PIK3CD: variants seen among roughly 807,000 people sequenced by gnomAD.
PIK3CD encodes the protein phosphatidylinositol-4,5-bisphosphate 3-kinase catalytic subunit delta.
A neutral mutation model predicts 122.9 loss-of-function variants in PIK3CD; 20 were observed. The observed-to-expected ratio is 0.16, with a 90% CI of 0.11 to 0.24. PIK3CD has a LOEUF of 0.24. Among genes scored for constraint, PIK3CD ranks in the 10% least tolerant of loss-of-function variants. PIK3CD has a pLI of 1.00. For synonymous variants in PIK3CD, 596 were observed against 593.4 expected (o/e 1.00, Z -0.06); for missense variants, 787 against 1,406.3 (o/e 0.56, Z 7.04).
At chr1:9,686,542 G>A (rs1010665585) in intron 1 of PIK3CD, among the ~76,000 whole-genome samples, 3 of 151,416 alleles carry the variant, frequency 2.0e-5, no homozygotes, top group South Asian at 2.1e-4. Context: ...AAATAGAGAC[G>A]GGGGTCTCAC....
In PIK3CD at chr1:9,718,655, C is replaced by T. The variant is rs1367684141; in HGVS notation, c.1021-39C>T. On this transcript the variant is annotated intron_variant, in intron 8 of 23. Coordinates refer to ENST00000377346, the MANE Select transcript of PIK3CD (RefSeq NM_005026.5). This position sits in a 1 kb window ranked among gnomAD's most constrained non-coding sequence, Gnocchi z 7.2. ...TAAGGGGGAGGGGAGAGGGGCTGGGCCTCTGCCTCCTCACCCATCATCCCG... is the reference window on the plus strand; with the variant it reads ...TAAGGGGGAGGGGAGAGGGGCTGGGTCTCTGCCTCCTCACCCATCATCCCG... The T allele has an allele frequency of 6.4e-7, 1 of 1,562,150 alleles. No individual in the cohort carries two copies. The highest frequency in any genetic ancestry group is 2.2e-5 in the East Asian group (1 of 44,668).
At position 9,696,319 on chromosome 1, in the gene PIK3CD, G is replaced by T. The variant is rs564997648; in HGVS notation, c.-33+4748G>T. ...AGAAGTTAAAATTTGACAGTGGGGTGGCTCGTGCCTGTAATCCCAACACTT... is the reference window on the plus strand; with the variant it reads ...AGAAGTTAAAATTTGACAGTGGGGTTGCTCGTGCCTGTAATCCCAACACTT... On this transcript the variant is annotated intron_variant, in intron 2 of 23. Transcript: ENST00000377346. Among the ~76,000 whole-genome samples the T allele has an allele frequency of 3.9e-5, 6 of 152,198 alleles. No homozygotes were observed. In the East Asian group the frequency reaches 7.7e-4, roughly 20 times the overall value.
In PIK3CD at chr1:9,720,636, A is replaced by G; in HGVS notation, c.1496A>G (p.Glu499Gly). ...EKILELGRHS[E>G]CVHVTEEEQL... ...ATCTTGGAGCTGGGGCGACACAGCG[A>G]GTGTGTGCATGTCACCGAGGAGGAG... is the stretch of plus-strand genomic sequence containing the variant. Residue 499 changes from glutamate (E) to glycine (G), a missense_variant, in exon 12 of 24, where the codon GAG (glutamate) becomes GGG (glycine). Transcript: ENST00000377346. The surrounding 1 kb of genome is among the most constrained non-coding windows in gnomAD (Gnocchi z 9.0). 4 of 1,195,632 alleles carry G rather than the reference A, an allele frequency of 3.3e-6. No individual in the cohort carries two copies. The highest frequency in any genetic ancestry group is 4.3e-6 in the Non-Finnish European group (4 of 923,054). 74.1% of individuals were successfully genotyped at this position (1,195,632 alleles called of 1,614,324 possible).
Position 9,722,236 on chromosome 1 carries a change from C to A in PIK3CD, c.2235-8C>A. 1.2e-6 allele frequency: 2 copies of A among 1,612,284 alleles called. No homozygotes were observed. Among genetic ancestry groups the A allele is most frequent in the South Asian group, 1.1e-5 (1 of 90,908 alleles). On this transcript the variant is annotated splice_polypyrimidine_tract_variant and splice_region_variant and intron_variant, in intron 17 of 23. Coordinates refer to ENST00000377346, the MANE Select transcript of PIK3CD (RefSeq NM_005026.5). This position sits in a 1 kb window ranked among gnomAD's most constrained non-coding sequence, Gnocchi z 7.6. ...CCCCTGCTGACTGCCCGCTCTCTGG[C>A]CTGGCAGCGTGGAGCAGTGCACCTT... is the stretch of plus-strand genomic sequence containing the variant.
intron 2 of PIK3CD, among the ~76,000 whole-genome samples, chr1:9,698,693 A>G (rs946625642): frequency 6.6e-6 from 1 of 152,158 alleles, no homozygotes; most frequent in Non-Finnish European, 1.5e-5. Context: ...ATAATTCCCA[A>G]ATTCCCAAAG....
chr1:9,724,477 G>A lies in PIK3CD; in HGVS notation c.2864+56G>A. 3 of 1,598,096 alleles carry A rather than the reference G, an allele frequency of 1.9e-6. No individual in the cohort carries two copies. In the South Asian group the frequency reaches 3.3e-5, roughly 18 times the overall value. On this transcript the variant is annotated intron_variant, in intron 22 of 23. Coordinates refer to ENST00000377346, the MANE Select transcript of PIK3CD (RefSeq NM_005026.5). The surrounding 1 kb of genome is among the most constrained non-coding windows in gnomAD (Gnocchi z 7.3). ...CTCGGTGTGGGGCCCCAGGGAACAG[G>A]GCAGAGGTTCCCAGGCAGGGTGCAG...
rs927145814 is a variant in PIK3CD at position 9,704,735 on chromosome 1, A to G, written c.-32-5689A>G. Among the ~76,000 whole-genome samples the G allele has an allele frequency of 1.3e-5, 2 of 152,216 alleles. No individual in the cohort carries two copies. The highest frequency in any genetic ancestry group is 2.9e-5 in the Non-Finnish European group (2 of 68,026). ...ACCATGTTTCGCAGGCTGGTCACCA[A>G]TGCCTGAGCTCAAAGTGATCCACTG... On this transcript the variant is annotated intron_variant, in intron 2 of 23. Transcript: ENST00000377346. The surrounding 1 kb of genome is among the most constrained non-coding windows in gnomAD (Gnocchi z 5.0).
At chr1:9,673,304 G>A (rs1359260898) in intron 1 of PIK3CD, among the ~76,000 whole-genome samples, 4 of 151,828 alleles carry the variant, frequency 2.6e-5, no homozygotes, top group Admixed American at 1.3e-4. Flanking sequence ...CTGTCGCCCC[G>A]GCTGGCGTGT....
chr1:9,639,138 C>G, the PIK3CD span, among the ~76,000 whole-genome samples: 2 of 152,168 alleles, frequency 1.3e-5, no homozygotes, highest in Non-Finnish European at 2.9e-5. Context: ...ATGGTTTCTT[C>G]TAATCCTAAA....
At chr1:9,702,573 T>C (rs1402092446) in intron 2 of PIK3CD, among the ~76,000 whole-genome samples, 1 of 128,038 alleles carries the variant, frequency 7.8e-6, no homozygotes, top group Non-Finnish European at 1.6e-5. Flanking sequence ...CAGGCTGGAG[T>C]GCAGTGGCGC....
intron 1 of PIK3CD, among the ~76,000 whole-genome samples, chr1:9,679,970 G>A (rs1164085637): frequency 2.0e-5 from 3 of 151,764 alleles, no homozygotes; most frequent in South Asian, 2.1e-4. Flanking sequence ...GATTACAGGC[G>A]CCCACCACCA....
In PIK3CD at chr1:9,724,976, C is replaced by G. The variant is rs772717064; in HGVS notation, c.2997+40C>G. 1.2e-6 allele frequency: 2 copies of G among 1,611,406 alleles called. No individual in the cohort carries two copies. The highest frequency in any genetic ancestry group is 2.2e-5 in the South Asian group (2 of 90,998). On this transcript the variant is annotated intron_variant, in intron 23 of 23. Coordinates refer to ENST00000377346, the MANE Select transcript of PIK3CD (RefSeq NM_005026.5). This position sits in a 1 kb window ranked among gnomAD's most constrained non-coding sequence, Gnocchi z 7.3. ...GGAGACTGCTGTCGCCAGTGGACTT[C>G]CAAGGCCTGCCCCCGAGCAATGTGA...
At chr1:9,645,933 T>A in the PIK3CD span, among the ~76,000 whole-genome samples, 4 of 151,498 alleles carry the variant, frequency 2.6e-5, no homozygotes, top group African/African-American at 9.7e-5. Flanking sequence ...TTTATTTTTT[T>A]ATTTTTATTT....
chr1:9,711,124 C>T (rs982476518), intron 3 of PIK3CD, among the ~76,000 whole-genome samples: 9 of 152,026 alleles, frequency 5.9e-5, no homozygotes, highest in Admixed American at 1.3e-4. Flanking sequence ...GAGACAATCT[C>T]GCTCTGTCAC....
At chr1:9,629,980 C>T in the PIK3CD span, among the ~76,000 whole-genome samples, 2 of 152,246 alleles carry the variant, frequency 1.3e-5, no homozygotes, top group Non-Finnish European at 2.9e-5. Context: ...GTCAGAGGCG[C>T]CCAGGACACC....
At chr1:9,654,000 G>A in intron 1 of PIK3CD, 1 of 1,316,808 alleles carries the variant, frequency 7.6e-7, no homozygotes, top group Non-Finnish European at 1.0e-6. Flanking sequence ...GAAGCCAGGA[G>A]TTCAAGGTTG....
intron 1 of PIK3CD, among the ~76,000 whole-genome samples, chr1:9,677,339 T>C (rs1480794052): frequency 6.6e-6 from 1 of 152,118 alleles, no homozygotes; most frequent in African/African-American, 2.4e-5. Context: ...AGATATTATA[T>C]GGCCATCTTA....
chr1:9,715,400 G>C lies in PIK3CD; in HGVS notation c.142-141G>C. 1.4e-6 allele frequency: 1 copy of C among 699,644 alleles called. No individual in the cohort carries two copies. The highest frequency in any genetic ancestry group is 2.5e-6 in the Non-Finnish European group (1 of 396,150). 43.3% of individuals were successfully genotyped at this position (699,644 alleles called of 1,614,324 possible). A position where few individuals can be genotyped will look rare whatever the true frequency, so the allele number is the denominator to read the frequency against. On this transcript the variant is annotated intron_variant, in intron 3 of 23. Coordinates refer to ENST00000377346, the MANE Select transcript of PIK3CD (RefSeq NM_005026.5). The surrounding 1 kb of genome is among the most constrained non-coding windows in gnomAD (Gnocchi z 4.1). The stretch of plus-strand genomic sequence containing the variant: ...TGGTCAGCACCCAGGGGGCTGCAGA[G>C]AGTGCAGATCTTGGGGTCTGCCTCT...
intron 1 of PIK3CD, among the ~76,000 whole-genome samples, chr1:9,680,436 C>T (rs1324909074): frequency 6.6e-6 from 1 of 151,546 alleles, no homozygotes; most frequent in Non-Finnish European, 1.5e-5. Flanking sequence ...ATAGTGAGAC[C>T]CTGTCTCTAT....
Sources: gnomAD v4.1 joint callset for allele counts (sites outside exome capture counted in the v4.1 genomes callset) on GRCh38, gnomAD v4.1.1 for gene constraint, Gnocchi (gnomAD v3.1) non-coding constraint, MANE v1.5 for transcripts, NCBI Gene and HGNC (gene_info 2026-07-23, HGNC 2026-07-21) for gene names.